The following MEF2C variants were observed in gnomAD, a reference collection of about 807,000 sequenced individuals.
MEF2C encodes myocyte enhancer factor 2C.
In MEF2C, 6 loss-of-function variants were observed where a neutral mutation model predicts 50.5. The ratio of observed to expected loss-of-function variants is 0.12; its 90% CI spans 0.07 to 0.23. MEF2C has a LOEUF of 0.23. Among genes scored for constraint, MEF2C ranks in the 10% least tolerant of loss-of-function variants. The pLI, the probability that MEF2C is intolerant of heterozygous loss-of-function variation, is 1.00. For synonymous variants in MEF2C, 183 were observed against 228.0 expected, an observed-to-expected ratio of 0.80 and a Z score of 1.78; for missense variants, 276 against 605.0, an observed-to-expected ratio of 0.46 and a Z score of 5.70.
intron 3 of MEF2C, among the ~76,000 whole-genome samples, chr5:88,788,595 C>A (rs1015620574): frequency 4.6e-4 from 70 of 152,098 alleles, no homozygotes; most frequent in African/African-American, 1.7e-3. Flanking sequence ...TCATAATGGA[C>A]AATTATATTT....
At chr5:88,761,140 G>T in intron 4 of MEF2C, 45 bp downstream of exon 4, 1 of 1,613,966 alleles carries the variant, frequency 6.2e-7, no homozygotes, top group Non-Finnish European at 8.5e-7. Flanking sequence ...CAGGTTCAGA[G>T]AAATATCAAG....
chr5:88,774,476 C>T (rs989676215), intron 3 of MEF2C, among the ~76,000 whole-genome samples: 2 of 152,052 alleles, frequency 1.3e-5, no homozygotes, highest in African/African-American at 2.4e-5. Flanking sequence ...GCGCCCGCCA[C>T]CACGCCAGGT....
chr5:88,863,838 T>C (rs1431658016), intron 1 of MEF2C, among the ~76,000 whole-genome samples: 1 of 151,764 alleles, frequency 6.6e-6, no homozygotes, highest in African/African-American at 2.4e-5. Flanking sequence ...TTTTTTTTTT[T>C]TGAGAGAGAG....
Position 88,790,956 on chromosome 5 carries a change from A to C in MEF2C, c.258+13642T>G, listed in dbSNP as rs919494888. Among the ~76,000 whole-genome samples, 5 of 152,198 alleles carry C rather than the reference A, an allele frequency of 3.3e-5. No individual in the cohort carries two copies. In the South Asian group the frequency reaches 8.3e-4, roughly 25 times the overall value. Reference sequence around the variant, plus strand: ...AATTAAAATAAACACTCCTTAATGAAAAGAGCCATCATCTTAGAATTCTGC... The same window carrying C: ...AATTAAAATAAACACTCCTTAATGACAAGAGCCATCATCTTAGAATTCTGC... On this transcript the variant is annotated intron_variant, in intron 3 of 10. Transcript: ENST00000504921.
chr5:88,738,797 G>A, intron 6 of MEF2C: 1 of 985,350 alleles, frequency 1.0e-6, no homozygotes, highest in Non-Finnish European at 1.2e-6. Flanking sequence ...GTAAATAGTA[G>A]TTCTGGTTCA....
chr5:88,809,889 G>T (rs1319546657), intron 2 of MEF2C, among the ~76,000 whole-genome samples: 1 of 152,078 alleles, frequency 6.6e-6, no homozygotes, highest in South Asian at 2.1e-4. Context: ...TGCTTTCCTT[G>T]TCACATTCAG....
chr5:88,851,590 T>A (rs1821384594), intron 1 of MEF2C, among the ~76,000 whole-genome samples: 2 of 152,044 alleles, frequency 1.3e-5, no homozygotes, highest in Non-Finnish European at 2.9e-5. Context: ...TCTGCTAGGA[T>A]CTGGCTAATT....
At chr5:88,869,278 C>CGTATAT (rs1828560988) in intron 1 of MEF2C, among the ~76,000 whole-genome samples, 2 of 48,614 alleles carry the variant, frequency 4.1e-5, no homozygotes, top group Admixed American at 2.6e-4. Flanking sequence ...TATATATATA[C>CGTATAT]ATATATATAT....
chr5:88,902,518 G>A (rs1045102100), intron 1 of MEF2C, among the ~76,000 whole-genome samples: 2 of 149,718 alleles, frequency 1.3e-5, no homozygotes, highest in African/African-American at 2.4e-5. Flanking sequence ...AACCACAAAT[G>A]TTTCATAATT....
intron 3 of MEF2C, among the ~76,000 whole-genome samples, chr5:88,784,852 A>C (rs909391208): frequency 6.6e-6 from 1 of 152,150 alleles, no homozygotes; most frequent in Non-Finnish European, 1.5e-5. Context: ...CCTGCAGTAA[A>C]GATACAATAT....
intron 1 of MEF2C, among the ~76,000 whole-genome samples, chr5:88,847,158 G>A (rs1819633376): frequency 6.6e-6 from 1 of 152,174 alleles, no homozygotes. Flanking sequence ...GAAGAAATGT[G>A]AGAGTGTAGA....
At chr5:88,900,731 T>A (rs1205449758) in intron 1 of MEF2C, among the ~76,000 whole-genome samples, 2 of 151,966 alleles carry the variant, frequency 1.3e-5, no homozygotes, top group African/African-American at 4.8e-5. Context: ...TTCCATGTGA[T>A]CATTGTTACT....
intron 4 of MEF2C, chr5:88,752,887 T>G: frequency 2.4e-6 from 1 of 422,514 alleles, no homozygotes; most frequent in African/African-American, 2.1e-5. Context: ...GCTACTTTTT[T>G]TTAAGCATTA....
At chr5:88,779,973 C>G (rs1032148882) in intron 3 of MEF2C, among the ~76,000 whole-genome samples, 6 of 151,602 alleles carry the variant, frequency 4.0e-5, no homozygotes, top group African/African-American at 1.5e-4. Flanking sequence ...GGTGAAACCC[C>G]CTCTCTACTA....
At chr5:88,823,144 A>G (rs1169723577) in intron 2 of MEF2C, among the ~76,000 whole-genome samples, 6 of 151,970 alleles carry the variant, frequency 3.9e-5, no homozygotes, top group African/African-American at 1.4e-4. Flanking sequence ...ATCTGCCTCT[A>G]TGTTTATCAA....
intron 2 of MEF2C, among the ~76,000 whole-genome samples, chr5:88,814,300 G>A (rs1804277023): frequency 6.7e-6 from 1 of 148,390 alleles, no homozygotes; most frequent in African/African-American, 2.5e-5. Context: ...ACTCTCGGTG[G>A]GAGGAAGCAG....
rs71613097 is a variant in MEF2C, at chr5:88,839,321, ATCTC to A, written c.-142-15395_-142-15392del. The A allele has an allele frequency of 3.8e-3, 540 of 141,630 alleles. 1 individual carries two copies. Among genetic ancestry groups the A allele is most frequent in the African/African-American group, 5.8e-3 (219 of 37,864 alleles). 8.8% of individuals were successfully genotyped at this position (141,630 alleles called of 1,614,324 possible). A position where few individuals can be genotyped will look rare whatever the true frequency, so the allele number is the denominator to read the frequency against. ...CTCCATAAGGCAACAACGCCACATT[ATCTC>A]TCTCTCTCTCTCTCTCTCTCTCTCT... On this transcript the variant is annotated intron_variant, in intron 1 of 10. Coordinates refer to ENST00000504921, the MANE Select transcript of MEF2C (RefSeq NM_002397.5).
chr5:88,813,833 T>C (rs1581118678), intron 2 of MEF2C, among the ~76,000 whole-genome samples: 1 of 152,150 alleles, frequency 6.6e-6, no homozygotes, highest in Non-Finnish European at 1.5e-5. Flanking sequence ...GGGATTCGTA[T>C]ACCCAGCTAA....
At chr5:88,739,959 A>C in intron 6 of MEF2C, 1 of 985,108 alleles carries the variant, frequency 1.0e-6, no homozygotes, top group Non-Finnish European at 1.2e-6. Flanking sequence ...TTCTTAGGGA[A>C]ATTATATAAT....
Sources: gnomAD v4.1 joint callset for allele counts (sites outside exome capture counted in the v4.1 genomes callset) on GRCh38, gnomAD v4.1.1 for gene constraint, MANE v1.5 for transcripts, NCBI Gene and HGNC (gene_info 2026-07-23, HGNC 2026-07-21) for gene names.